Variants in PTPRM observed in about 807,000 individuals in gnomAD.
The protein encoded by PTPRM is protein tyrosine phosphatase receptor type M.
PTPRM carries 47 observed loss-of-function variants against 186.7 expected under a neutral mutation model. That is an observed-to-expected ratio of 0.25 (90% CI 0.20 to 0.32). The LOEUF is 0.32. PTPRM is among the 10% of genes least tolerant of loss of function. PTPRM has a pLI of 1.00. For missense variants in PTPRM, 1,494 were observed against 1,865.0 expected (o/e 0.80, Z 3.66); for synonymous variants, 668 against 674.9 (o/e 0.99, Z 0.16).
intron 23 of PTPRM, among the ~76,000 whole-genome samples, chr18:8,355,493 A>G (rs1056625913): frequency 1.3e-5 from 2 of 152,126 alleles, no homozygotes; most frequent in African/African-American, 2.4e-5. Flanking sequence ...TGTCATGGAT[A>G]TACCACGTCA....
chr18:8,051,083 T>A (rs994491887), intron 7 of PTPRM, among the ~76,000 whole-genome samples: 2 of 152,120 alleles, frequency 1.3e-5, no homozygotes, highest in Non-Finnish European at 1.5e-5. Context: ...TTTGTAATTC[T>A]TTTCAAGTCA....
chr18:7,682,911 G>A (rs1349818787), intron 1 of PTPRM, among the ~76,000 whole-genome samples: 1 of 152,128 alleles, frequency 6.6e-6, no homozygotes, highest in Admixed American at 6.5e-5. Flanking sequence ...TAGTGTTCAT[G>A]TGGTTTAGTA....
chr18:8,347,507 G>A (rs2095511619), intron 23 of PTPRM, among the ~76,000 whole-genome samples: 1 of 152,166 alleles, frequency 6.6e-6, no homozygotes, highest in Non-Finnish European at 1.5e-5. Context: ...CTGAGACATG[G>A]CACAATTTTC....
intron 11 of PTPRM, among the ~76,000 whole-genome samples, chr18:8,099,730 A>G (rs1353455274): frequency 1.3e-5 from 2 of 152,218 alleles, no homozygotes; most frequent in Non-Finnish European, 2.9e-5. Context: ...GTGACATCTA[A>G]TCTCTCTGAT....
intron 31 of PTPRM, 147 bp downstream of exon 31, chr18:8,387,382 A>T: frequency 1.2e-6 from 1 of 833,806 alleles, no homozygotes; most frequent in Non-Finnish European, 1.8e-6. Context: ...TCAGTGAGGG[A>T]TTGGTTGGCT....
intron 3 of PTPRM, among the ~76,000 whole-genome samples, chr18:7,898,824 C>T (rs549538494): frequency 1.3e-5 from 2 of 152,208 alleles, no homozygotes; most frequent in East Asian, 1.9e-4. Context: ...AGTTGATTCT[C>T]GATTATTTGC....
chr18:8,106,069 G>A (rs185000801), intron 11 of PTPRM, among the ~76,000 whole-genome samples: 1 of 152,200 alleles, frequency 6.6e-6, no homozygotes, highest in Non-Finnish European at 1.5e-5. Flanking sequence ...CCTTGTGGGC[G>A]CCTAGAGGAG....
intron 2 of PTPRM, among the ~76,000 whole-genome samples, chr18:7,882,174 G>T (rs148326348): frequency 0.01 from 1,544 of 152,182 alleles, 114 homozygotes; most frequent in Admixed American, 0.096. Flanking sequence ...ATTTTTATAG[G>T]AATTGGACAG....
chr18:7,842,947 T>TATATAGAGAGAGAGAGAGAG lies in PTPRM; in HGVS notation c.197-45158_197-45157insTATAGAGAGAGAGAGAGAGA, dbSNP rs370746043. Reference sequence around the variant, plus strand: ...GTGTGTGTGTATATATATATATATATAGAGAGAGAGAGAGAGAGAGAGAGA... The same window carrying TATATAGAGAGAGAGAGAGAG: ...GTGTGTGTGTATATATATATATATATATATAGAGAGAGAGAGAGAGAGAGAGAGAGAGAGAGAGAGAGAGA... On this transcript the variant is annotated intron_variant, in intron 2 of 32. Transcript: ENST00000580170. Among the ~76,000 whole-genome samples, 16 of 112,114 alleles carry TATATAGAGAGAGAGAGAGAG rather than the reference T, an allele frequency of 1.4e-4. No individual in the cohort carries two copies. The East Asian group carries it at 2.5e-3, about 17-fold the overall frequency. 73.6% of individuals were successfully genotyped at this position (112,114 alleles called of 152,430 possible). A position where few individuals can be genotyped will look rare whatever the true frequency, so the allele number is the denominator to read the frequency against.
intron 5 of PTPRM, among the ~76,000 whole-genome samples, chr18:7,935,100 G>T (rs569218278): frequency 2.1e-4 from 32 of 152,236 alleles, no homozygotes; most frequent in African/African-American, 6.5e-4. Context: ...GCCACAAAAT[G>T]ATATGAAAAG....
intron 32 of PTPRM, 129 bp from the exon 33 acceptor site, chr18:8,405,980 T>C (rs1170626377): frequency 1.2e-6 from 1 of 842,068 alleles, no homozygotes; most frequent in Non-Finnish European, 2.0e-6. Context: ...CGTGACTTTC[T>C]GATTCATTTC....
At chr18:7,788,381 T>C (rs952866555) in intron 2 of PTPRM, among the ~76,000 whole-genome samples, 3 of 152,180 alleles carry the variant, frequency 2.0e-5, no homozygotes, top group African/African-American at 7.2e-5. Flanking sequence ...ATGAAATATT[T>C]TGCTTTGGAA....
In PTPRM at chr18:7,662,747, G is replaced by A. The variant is rs1020039342; in HGVS notation, c.73+94856G>A. On this transcript the variant is annotated intron_variant, in intron 1 of 32. Transcript: ENST00000580170. ...GTAACACAAAGGATAAATACTTCAC[G>A]TGATGTATACCCCGTTTACCCTGAT... Among the ~76,000 whole-genome samples, 11 of 152,058 alleles carry A rather than the reference G, an allele frequency of 7.2e-5. No homozygotes were observed. The East Asian group carries it at 1.9e-3, about 27-fold the overall frequency.
chr18:8,125,072 C>T (rs1339801074), intron 13 of PTPRM, among the ~76,000 whole-genome samples: 3 of 151,876 alleles, frequency 2.0e-5, no homozygotes, highest in South Asian at 2.1e-4. Context: ...GACCCCAGCA[C>T]CTAGGACTGT....
chr18:7,744,426 A>G (rs778123125), intron 1 of PTPRM, among the ~76,000 whole-genome samples: 7 of 152,066 alleles, frequency 4.6e-5, no homozygotes, highest in Non-Finnish European at 8.8e-5. Flanking sequence ...ATTATCAACT[A>G]TATTTGAGAA....
At chr18:7,817,832 G>C (rs1019324374) in intron 2 of PTPRM, among the ~76,000 whole-genome samples, 1 of 152,216 alleles carries the variant, frequency 6.6e-6, no homozygotes, top group African/African-American at 2.4e-5. Flanking sequence ...CCTGTGTGCT[G>C]TCTTAGTCTG....
chr18:8,262,458 C>T (rs935504135), intron 19 of PTPRM, among the ~76,000 whole-genome samples: 8 of 152,328 alleles, frequency 5.3e-5, no homozygotes, highest in Admixed American at 5.2e-4. Flanking sequence ...TGCTTCCCAC[C>T]GTGCAGGCTG....
At chr18:7,855,644 G>A (rs1332108566) in intron 2 of PTPRM, among the ~76,000 whole-genome samples, 2 of 152,186 alleles carry the variant, frequency 1.3e-5, no homozygotes, top group Non-Finnish European at 2.9e-5. Flanking sequence ...TAAGCTTTTT[G>A]TCAGTACAAG....
intron 23 of PTPRM, among the ~76,000 whole-genome samples, chr18:8,360,324 T>C (rs2095589264): frequency 6.6e-6 from 1 of 152,184 alleles, no homozygotes; most frequent in Non-Finnish European, 1.5e-5. Context: ...TACCACTCCC[T>C]GTCTGTAGGA....
Sources: allele counts gnomAD v4.1 joint callset (sites outside exome capture counted in the v4.1 genomes callset), GRCh38; gene constraint gnomAD v4.1.1; transcripts MANE v1.5; gene names NCBI Gene and HGNC (gene_info 2026-07-23, HGNC 2026-07-21).